The following PIP5K1B variants were observed in gnomAD, a reference collection of about 807,000 sequenced individuals.
PIP5K1B encodes the protein phosphatidylinositol-4-phosphate 5-kinase type 1 beta.
In PIP5K1B, 42 loss-of-function variants were observed where a neutral mutation model predicts 67.0. The ratio of observed to expected loss-of-function variants is 0.63; its 90% CI spans 0.49 to 0.81. PIP5K1B has a LOEUF of 0.81. PIP5K1B is among the 30% of genes least tolerant of loss of function. The pLI, the probability that PIP5K1B is intolerant of heterozygous loss-of-function variation, is 0.00. For synonymous variants in PIP5K1B, 214 were observed against 231.4 expected, an observed-to-expected ratio of 0.92 and a Z score of 0.68; for missense variants, 459 against 646.3, an observed-to-expected ratio of 0.71 and a Z score of 3.14.
chr9:68,848,802 T>C (rs1269206959), intron 4 of PIP5K1B, among the ~76,000 whole-genome samples: 1 of 152,210 alleles, frequency 6.6e-6, no homozygotes, highest in African/African-American at 2.4e-5. Context: ...TGCTGTAAAA[T>C]AATTGAACAT....
chr9:68,793,875 A>G (rs1587461675), intron 2 of PIP5K1B, among the ~76,000 whole-genome samples: 2 of 152,360 alleles, frequency 1.3e-5, no homozygotes, highest in Middle Eastern at 3.4e-3. Context: ...GGAAAGTGTC[A>G]TTAAAGAAAA....
chr9:68,877,349 G>A (rs978314909), intron 6 of PIP5K1B, among the ~76,000 whole-genome samples: 3 of 152,194 alleles, frequency 2.0e-5, no homozygotes, highest in Non-Finnish European at 4.4e-5. Context: ...CACACAAGAG[G>A]TACAGACACA....
chr9:68,960,846 T>A (rs1828692447), intron 14 of PIP5K1B, among the ~76,000 whole-genome samples: 1 of 152,248 alleles, frequency 6.6e-6, no homozygotes, highest in Non-Finnish European at 1.5e-5. Context: ...TTTTTCGATA[T>A]TTTCGATCTC....
At chr9:68,727,014 T>C (rs1213901890) in intron 1 of PIP5K1B, among the ~76,000 whole-genome samples, 2 of 152,180 alleles carry the variant, frequency 1.3e-5, no homozygotes, top group Non-Finnish European at 2.9e-5. Context: ...ATTTTTTATA[T>C]AGACAATCAT....
At chr9:68,737,019 C>T (rs1199672405) in intron 1 of PIP5K1B, among the ~76,000 whole-genome samples, 1 of 152,148 alleles carries the variant, frequency 6.6e-6, no homozygotes, top group Non-Finnish European at 1.5e-5. Context: ...TAATTATATA[C>T]TTTGACCTTC....
chr9:68,861,574 G>A (rs1015426711), intron 4 of PIP5K1B, among the ~76,000 whole-genome samples: 7 of 152,150 alleles, frequency 4.6e-5, no homozygotes, highest in Non-Finnish European at 1.0e-4. Flanking sequence ...GATAGTTCTG[G>A]AAAGCAGCGT....
intron 2 of PIP5K1B, among the ~76,000 whole-genome samples, chr9:68,777,289 G>A (rs1830963974): frequency 6.6e-6 from 1 of 152,166 alleles, no homozygotes; most frequent in Non-Finnish European, 1.5e-5. Context: ...CAATGTGCCA[G>A]GCCCTGTTCT....
intron 2 of PIP5K1B, among the ~76,000 whole-genome samples, chr9:68,797,253 C>T (rs1832344287): frequency 6.6e-6 from 1 of 152,116 alleles, no homozygotes; most frequent in Non-Finnish European, 1.5e-5. Context: ...CAAGATGCTA[C>T]AGGAACCCAG....
At chr9:68,861,073 T>C (rs1208244245) in intron 4 of PIP5K1B, among the ~76,000 whole-genome samples, 2 of 152,272 alleles carry the variant, frequency 1.3e-5, no homozygotes, top group African/African-American at 4.8e-5. Context: ...ATTATTCATA[T>C]ATCAAGTGCC....
chr9:68,780,716 C>T (rs200034209), intron 2 of PIP5K1B: 42 of 1,614,092 alleles, frequency 2.6e-5, no homozygotes, highest in Non-Finnish European at 5.1e-6. Context: ...GATTTACCAC[C>T]CGGAGAAGCC....
intron 15 of PIP5K1B, among the ~76,000 whole-genome samples, chr9:69,007,115 G>A (rs1831120028): frequency 6.6e-6 from 1 of 152,182 alleles, no homozygotes; most frequent in African/African-American, 2.4e-5. Context: ...TCTAGCTTAG[G>A]TGAATGAGAG....
At chr9:68,999,436 A>G (rs777521035) in intron 15 of PIP5K1B, among the ~76,000 whole-genome samples, 5 of 152,172 alleles carry the variant, frequency 3.3e-5, no homozygotes, top group Non-Finnish European at 5.9e-5. Flanking sequence ...CGTTAGATAG[A>G]TGTTTCCAAA....
intron 4 of PIP5K1B, among the ~76,000 whole-genome samples, chr9:68,862,115 A>T (rs1430230815): frequency 6.6e-6 from 1 of 152,208 alleles, no homozygotes; most frequent in Non-Finnish European, 1.5e-5. Context: ...TGATGAAATG[A>T]TGCCCCTATG....
intron 2 of PIP5K1B, among the ~76,000 whole-genome samples, chr9:68,748,369 A>G (rs1445813665): frequency 2.6e-5 from 4 of 152,210 alleles, no homozygotes; most frequent in Non-Finnish European, 5.9e-5. Context: ...TTAGTCCATA[A>G]TAAAGTACAA....
chr9:68,914,170 A>C (rs1235054707), intron 8 of PIP5K1B, among the ~76,000 whole-genome samples: 1 of 152,210 alleles, frequency 6.6e-6, no homozygotes, highest in Non-Finnish European at 1.5e-5. Context: ...ACAATATAAA[A>C]AAAGCATTTT....
intron 8 of PIP5K1B, among the ~76,000 whole-genome samples, chr9:68,913,167 T>G (rs2132493716): frequency 6.6e-6 from 1 of 152,368 alleles, no homozygotes; most frequent in Non-Finnish European, 1.5e-5. Flanking sequence ...TCCAACTTGC[T>G]TTCAGTTTTA....
At chr9:68,893,525 G>C (rs1444879331) in intron 7 of PIP5K1B, among the ~76,000 whole-genome samples, 2 of 151,740 alleles carry the variant, frequency 1.3e-5, no homozygotes, top group East Asian at 3.9e-4. Flanking sequence ...GTAGAGACAG[G>C]GTTTCACCAT....
intron 4 of PIP5K1B, among the ~76,000 whole-genome samples, chr9:68,823,359 A>C (rs1564162633): frequency 6.6e-6 from 1 of 152,304 alleles, no homozygotes. Context: ...TCCTGAGGGC[A>C]TGCAGTGTTC....
intron 11 of PIP5K1B, among the ~76,000 whole-genome samples, chr9:68,919,964 A>G (rs1379344945): frequency 2.6e-5 from 4 of 152,220 alleles, no homozygotes; most frequent in African/African-American, 9.6e-5. Context: ...ACAAAATGAT[A>G]TCTGTGTCTA....
Sources: gnomAD v4.1 joint callset for allele counts (sites outside exome capture counted in the v4.1 genomes callset) on GRCh38, gnomAD v4.1.1 for gene constraint, MANE v1.5 for transcripts, NCBI Gene and HGNC (gene_info 2026-07-23, HGNC 2026-07-21) for gene names.